Variants in LRP2 observed in about 807,000 individuals in gnomAD.
LRP2 encodes the protein LDL receptor related protein 2.
LRP2 carries 172 observed loss-of-function variants against 531.0 expected under a neutral mutation model. The ratio of observed to expected loss-of-function variants is 0.32; its 90% CI spans 0.29 to 0.37. The LOEUF is 0.37. Among genes scored for constraint, LRP2 ranks in the 10% least tolerant of loss-of-function variants. The pLI is 1.00. For synonymous variants in LRP2, 1,992 were observed against 2,027.6 expected (o/e 0.98, Z 0.47); for missense variants, 5,167 against 5,868.3 (o/e 0.88, Z 3.90).
rs551263799 is a variant in LRP2, at chr2:169,198,995, G to A, written c.8453-84C>T. 9.6e-6 allele frequency: 14 copies of A among 1,456,202 alleles called. No homozygotes were observed. In the African/African-American group the frequency reaches 1.7e-4, roughly 18 times the overall value. The allele number at this position is 1,456,202 out of a possible 1,614,324, so 90.2% of individuals were successfully genotyped here. ...CAGTATCCGTGCTAACACATCTATT[G>A]TGGAACTCAAACCACTGGAAGGGCG... On this transcript the variant is annotated intron_variant, in intron 44 of 78. Transcript: ENST00000649046.
chr2:169,197,915 AACT>A (rs1688060027), intron 45 of LRP2, among the ~76,000 whole-genome samples: 1 of 152,224 alleles, frequency 6.6e-6, no homozygotes, highest in Non-Finnish European at 1.5e-5. Context: ...ACAAGAGTTT[AACT>A]ACATATACAC....
At chr2:169,208,192 A>AGAC (rs1467203123) in intron 38 of LRP2, among the ~76,000 whole-genome samples, 1 of 152,196 alleles carries the variant, frequency 6.6e-6, no homozygotes, top group Non-Finnish European at 1.5e-5. Context: ...AAGCAGCCAT[A>AGAC]GACAATACAC....
At chr2:169,360,073 C>A (rs944013214) in intron 1 of LRP2, among the ~76,000 whole-genome samples, 20 of 143,990 alleles carry the variant, frequency 1.4e-4, no homozygotes, top group African/African-American at 5.3e-4. Flanking sequence ...TGCAGTGAGC[C>A]GAGATTGCAC....
intron 1 of LRP2, among the ~76,000 whole-genome samples, chr2:169,336,419 A>G (rs1685405090): frequency 6.6e-6 from 1 of 152,038 alleles, no homozygotes; most frequent in South Asian, 2.1e-4. Context: ...ATGCACCTGT[A>G]ATCCCAGCTA....
Position 169,241,312 on chromosome 2 carries a change from C to A in LRP2, c.3721G>T (p.Gly1241Cys), listed in dbSNP as rs1187539374. ...HSDEFQCQEDGICIPNFWECD... is the reference protein window; with the variant it reads ...HSDEFQCQEDCICIPNFWECD... ...TCCCAGAAGTTCGGGATGCAGATAC[C>A]ATCTTCTTGGCACTGAAATTCATCT... is the stretch of plus-strand genomic sequence containing the variant. The change falls in exon 25 of 79, where the codon GGT becomes TGT. Residue 1241 changes from glycine (G) to cysteine (C), a missense_variant. By Grantham distance (159) the Gly-to-Cys change is radical (BLOSUM62 -3). This residue lies in a region of LRP2 where 2,811 missense variants were observed against 3,058.0 expected (regional missense o/e 0.92). Coordinates refer to ENST00000649046, the MANE Select transcript of LRP2 (RefSeq NM_004525.3). 6 of 1,614,044 alleles carry A rather than the reference C, an allele frequency of 3.7e-6. No homozygotes were observed. In the Admixed American group the frequency reaches 5.0e-5, roughly 13 times the overall value.
At chr2:169,129,603 A>T (rs1483570131) in intron 77 of LRP2, among the ~76,000 whole-genome samples, 1 of 152,230 alleles carries the variant, frequency 6.6e-6, no homozygotes, top group East Asian at 1.9e-4. Context: ...TTGAGTGCTT[A>T]CTATGTGTCA....
chr2:169,226,806 T>A (rs1318029149), intron 31 of LRP2, among the ~76,000 whole-genome samples: 1 of 152,130 alleles, frequency 6.6e-6, no homozygotes, highest in Non-Finnish European at 1.5e-5. Flanking sequence ...TACAACGCTG[T>A]CTGGACTTTT....
intron 12 of LRP2, among the ~76,000 whole-genome samples, chr2:169,278,380 A>T (rs1231996884): frequency 6.6e-6 from 1 of 151,970 alleles, no homozygotes; most frequent in Non-Finnish European, 1.5e-5. Context: ...GCTACTCAGG[A>T]AGCTGAGGTG....
At chr2:169,161,256 T>C (rs771264591) in intron 63 of LRP2, among the ~76,000 whole-genome samples, 19 of 152,308 alleles carry the variant, frequency 1.2e-4, no homozygotes, top group Admixed American at 3.9e-4. Flanking sequence ...CTTTATTACA[T>C]AGACAATAAC....
rs1202452506 is a variant in LRP2 at position 169,176,582 on chromosome 2, T to C, written c.10400A>G (p.Asn3467Ser). 5 of 1,614,008 alleles carry C rather than the reference T, an allele frequency of 3.1e-6. No individual in the cohort carries two copies. Among genetic ancestry groups the C allele is most frequent in the Admixed American group, 1.7e-5 (1 of 60,000 alleles). ...GCCACCATTGTTGGTACCACAGGGA[T>C]TGCTCACTAGTGGAAAAGGAAGAAA... ...YHPYRQPIVS[N>S]PCGTNNGGCS... Residue 3467 changes from asparagine (N) to serine (S), a missense_variant, in exon 54 of 79, where the codon AAT (asparagine) becomes AGT (serine). Coordinates refer to ENST00000649046, the MANE Select transcript of LRP2 (RefSeq NM_004525.3).
chr2:169,137,594 T>TCA (rs1685562604), intron 75 of LRP2, 101 bp from the exon 76 acceptor site: 1 of 626,678 alleles, frequency 1.6e-6, no homozygotes, highest in Admixed American at 2.1e-5. Context: ...GGTGCCTTCC[T>TCA]CACACCTGGA....
At chr2:169,327,102 GCCCGGCCAGCCGCCCCA>G in intron 1 of LRP2, among the ~76,000 whole-genome samples, 1 of 148,226 alleles carries the variant, frequency 6.7e-6, no homozygotes, top group East Asian at 2.1e-4. Context: ...TCAGCCCCCC[GCCCGGCCAGCCGCCCCA>G]TCCGGGAGGG....
chr2:169,145,973 T>C, intron 69 of LRP2, 50 bp from the exon 70 acceptor site: 1 of 1,532,020 alleles, frequency 6.5e-7, no homozygotes, highest in Non-Finnish European at 9.0e-7. Flanking sequence ...GAAAAGAAAA[T>C]ACCCACTACA....
intron 6 of LRP2, among the ~76,000 whole-genome samples, chr2:169,293,442 G>A (rs1204248876): frequency 5.3e-5 from 8 of 152,116 alleles, no homozygotes; most frequent in Non-Finnish European, 8.8e-5. Flanking sequence ...TTGGGAGGCC[G>A]AGGCGGGCGG....
rs147081749 is a variant in LRP2 at position 169,293,195 on chromosome 2, G to A, written c.653-826C>T. Among the ~76,000 whole-genome samples, 427 of 152,282 alleles carry A rather than the reference G, an allele frequency of 2.8e-3. 3 individuals are homozygous for A. The highest frequency in any genetic ancestry group is 9.7e-3 in the African/African-American group (403 of 41,558). Reference sequence around the variant, plus strand: ...TACATTCTAGTAAATAAATCACCACGCAAAGCTGCCAACTTACTGAACATA... The same window carrying A: ...TACATTCTAGTAAATAAATCACCACACAAAGCTGCCAACTTACTGAACATA... On this transcript the variant is annotated intron_variant, in intron 6 of 78. Transcript: ENST00000649046.
chr2:169,129,001 G>A lies in LRP2; in HGVS notation c.13800+12C>T. On this transcript the variant is annotated intron_variant, in intron 78 of 78. Coordinates refer to ENST00000649046, the MANE Select transcript of LRP2 (RefSeq NM_004525.3). ...AAAAATGTCTGTGCTAAGAAAAATT[G>A]TTAAAAATTACCTGTGCATAGATTG... 6.3e-7 allele frequency: 1 copy of A among 1,599,668 alleles called. No homozygotes were observed. The highest frequency in any genetic ancestry group is 1.1e-5 in the South Asian group (1 of 90,754).
chr2:169,325,720 C>T (rs901833782), intron 1 of LRP2, among the ~76,000 whole-genome samples: 1 of 152,156 alleles, frequency 6.6e-6, no homozygotes, highest in Non-Finnish European at 1.5e-5. Context: ...GCAAACCAAC[C>T]TGCTAGTCTC....
At chr2:169,290,148 C>T (rs1460767316) in intron 8 of LRP2, among the ~76,000 whole-genome samples, 2 of 151,682 alleles carry the variant, frequency 1.3e-5, no homozygotes, top group East Asian at 3.9e-4. Context: ...TAGTTCCAGT[C>T]AGTTTCCTCA....
In LRP2 at chr2:169,213,669, A is replaced by G; in HGVS notation, c.6028T>C (p.Tyr2010His). The G allele has an allele frequency of 6.2e-7, 1 of 1,612,634 alleles. No individual in the cohort carries two copies. The highest frequency in any genetic ancestry group is 1.1e-5 in the South Asian group (1 of 91,026). The change falls in exon 36 of 79, where the codon TAT becomes CAT. Residue 2010 changes from tyrosine (Y) to histidine (H), a missense_variant. Tyr to His is a moderately conservative substitution (Grantham distance 83). Transcript: ENST00000649046. ...GACAAATACTTACTGCGTCTGTGAT[A>G]AACTTGAAGACCCCTCAGATTTGGA... ...NVPNLRGLQV[Y>H]HRRNAAESSN...
Sources: gnomAD v4.1 joint callset for allele counts (sites outside exome capture counted in the v4.1 genomes callset) on GRCh38, gnomAD v4.1.1 for gene constraint, gnomAD v4.1.1 regional missense constraint, MANE v1.5 for transcripts, NCBI Gene and HGNC (gene_info 2026-07-23, HGNC 2026-07-21) for gene names.